Variants in MCMDC2 observed in about 807,000 individuals in gnomAD.
The protein encoded by MCMDC2 is minichromosome maintenance domain containing 2.
Under a neutral mutation model 75.8 loss-of-function variants are expected in MCMDC2, and 54 were observed. That is an observed-to-expected ratio of 0.71 (90% CI 0.57 to 0.89). The LOEUF (loss-of-function observed/expected upper bound fraction) is 0.89. Ranked by LOEUF, MCMDC2 falls within the 40% of genes least tolerant of loss-of-function variation. The probability of loss-of-function intolerance (pLI) is 0.00; values close to 1 mark genes in which losing one functional copy is unlikely to be tolerated. For missense variants in MCMDC2, 656 were observed against 780.4 expected, an observed-to-expected ratio of 0.84 and a Z score of 1.90; for synonymous variants, 249 against 274.6, an observed-to-expected ratio of 0.91 and a Z score of 0.92.
intron 13 of MCMDC2, among the ~76,000 whole-genome samples, chr8:66,904,108 G>A (rs1563386110): frequency 1.3e-5 from 2 of 152,166 alleles, no homozygotes; most frequent in South Asian, 2.1e-4. Flanking sequence ...GAGAGTTGGG[G>A]TCATATTAAT....
chr8:66,917,289 G>A (rs907236773), intron 14 of MCMDC2, among the ~76,000 whole-genome samples: 2 of 152,136 alleles, frequency 1.3e-5, no homozygotes, highest in Non-Finnish European at 2.9e-5. Context: ...AGGAAGGTGG[G>A]CACTGCTTGG....
In MCMDC2 at chr8:66,921,908, G is replaced by A. The variant is rs1369521426; in HGVS notation, c.*2739G>A. On this transcript the variant is annotated 3_prime_UTR_variant, in exon 15 of 15. Transcript: ENST00000422365. ...TATGTTCAAAACAGGTCTGACTAGT[G>A]ACTATGAGAATGGAGCTATTTAGAG... 1 of 152,278 alleles carries A rather than the reference G, an allele frequency of 6.6e-6. No individual in the cohort carries two copies. The highest frequency in any genetic ancestry group is 1.9e-4 in the East Asian group (1 of 5,204). The allele number at this position is 152,278 out of a possible 1,614,324, so 9.4% of individuals were successfully genotyped here. A position where few individuals can be genotyped will look rare whatever the true frequency, so the allele number is the denominator to read the frequency against.
At position 66,919,271 on chromosome 8, in the gene MCMDC2, A is replaced by G. The variant is rs1813432001; in HGVS notation, c.*102A>G. The stretch of plus-strand genomic sequence containing the variant: ...GTAATGCTTTGATAATACTCTGTAC[A>G]GGAATATATTACAATACTGTTTTTA... On this transcript the variant is annotated 3_prime_UTR_variant, in exon 15 of 15. Coordinates refer to ENST00000422365, the MANE Select transcript of MCMDC2 (RefSeq NM_173518.5). The G allele has an allele frequency of 1.2e-6, 1 of 862,778 alleles. No homozygotes were observed. The highest frequency in any genetic ancestry group is 1.7e-6 in the Non-Finnish European group (1 of 586,192). The allele number at this position is 862,778 out of a possible 1,614,324, so 53.4% of individuals were successfully genotyped here.
Position 66,896,760 on chromosome 8 carries a change from T to C in MCMDC2, c.1447-20T>C. 2 of 1,550,726 alleles carry C rather than the reference T, an allele frequency of 1.3e-6. No homozygotes were observed. The highest frequency in any genetic ancestry group is 1.3e-5 in the South Asian group (1 of 78,534). On this transcript the variant is annotated intron_variant, in intron 11 of 14. Transcript: ENST00000422365. ...ATTACAAAGTTTAATGTTTGCCTGT[T>C]ACCTTTTGGTTTGATGTAGGATTGC...
rs146062434 is a variant in MCMDC2 at position 66,885,027 on chromosome 8, T to C, written c.1073+1033T>C. Reference sequence around the variant, plus strand: ...CTCAAGCGATCCTCTCACCTCATTATCCAACTTTAAAATTTTGCAATCTGG... The same window carrying C: ...CTCAAGCGATCCTCTCACCTCATTACCCAACTTTAAAATTTTGCAATCTGG... On this transcript the variant is annotated intron_variant, in intron 9 of 14. Transcript: ENST00000422365. Among the ~76,000 whole-genome samples the C allele has an allele frequency of 5.3e-5, 8 of 152,258 alleles. No individual in the cohort carries two copies. The East Asian group carries it at 1.5e-3, about 29-fold the overall frequency.
At position 66,920,873 on chromosome 8, in the gene MCMDC2, A is replaced by C. The variant is rs955031585; in HGVS notation, c.*1704A>C. 1 of 152,082 alleles carries C rather than the reference A, an allele frequency of 6.6e-6. No homozygotes were observed. Among genetic ancestry groups the C allele is most frequent in the African/African-American group, 2.4e-5 (1 of 41,398 alleles). 9.4% of individuals were successfully genotyped at this position (152,082 alleles called of 1,614,324 possible). A position where few individuals can be genotyped will look rare whatever the true frequency, so the allele number is the denominator to read the frequency against. On this transcript the variant is annotated 3_prime_UTR_variant, in exon 15 of 15. Coordinates refer to ENST00000422365, the MANE Select transcript of MCMDC2 (RefSeq NM_173518.5). ...TTTTTTGTAGAGATGGAATTTTGCC[A>C]TGTTTCCCAGGCTGGTCTCAAGTCA... is the stretch of plus-strand genomic sequence containing the variant.
At chr8:66,880,704 C>G (rs1399897426) in intron 7 of MCMDC2, 145 bp from the exon 8 acceptor site, 1 of 761,364 alleles carries the variant, frequency 1.3e-6, no homozygotes, top group African/African-American at 1.8e-5. Flanking sequence ...TAGTGTCACT[C>G]TATATGGATA....
rs190579984 is a variant in MCMDC2 at position 66,909,220 on chromosome 8, C to T, written c.1879+3885C>T. ...GATTGTAAGTTTCCTGAGGCCTCCC[C>T]AGCCACGCTGAACTGTGAGTCAATT... On this transcript the variant is annotated intron_variant, in intron 14 of 14. Coordinates refer to ENST00000422365, the MANE Select transcript of MCMDC2 (RefSeq NM_173518.5). Among the ~76,000 whole-genome samples, 516 of 152,336 alleles carry T rather than the reference C, an allele frequency of 3.4e-3. 3 individuals are homozygous for T. Among genetic ancestry groups the T allele is most frequent in the Middle Eastern group, 0.014 (4 of 294 alleles).
intron 14 of MCMDC2, among the ~76,000 whole-genome samples, chr8:66,915,543 T>G (rs1813282384): frequency 6.8e-6 from 1 of 148,102 alleles, no homozygotes; most frequent in Admixed American, 6.8e-5. Context: ...TATATTTATA[T>G]ATATGTATAT....
chr8:66,913,103 A>C (rs1423914128), intron 14 of MCMDC2, among the ~76,000 whole-genome samples: 2 of 152,208 alleles, frequency 1.3e-5, no homozygotes, highest in African/African-American at 2.4e-5. Context: ...GCTGATGTTG[A>C]TCAATCAGCA....
Position 66,902,418 on chromosome 8 carries a change from G to T in MCMDC2, c.1769+1070G>T, listed in dbSNP as rs1378667878. 2.0e-5 allele frequency among the ~76,000 whole-genome samples: 3 copies of T among 150,840 alleles called. No individual in the cohort carries two copies. In the East Asian group the frequency reaches 5.9e-4, roughly 29 times the overall value. On this transcript the variant is annotated intron_variant, in intron 13 of 14. Coordinates refer to ENST00000422365, the MANE Select transcript of MCMDC2 (RefSeq NM_173518.5). ...TTTAAAAAAAAAAAAGCCTGGCCTAGTGGCTCATGCCTATAATCCCAGCAC... is the reference window on the plus strand; with the variant it reads ...TTTAAAAAAAAAAAAGCCTGGCCTATTGGCTCATGCCTATAATCCCAGCAC...
At chr8:66,883,585 G>A (rs1811694997) in intron 8 of MCMDC2, among the ~76,000 whole-genome samples, 172 bp from the exon 9 acceptor site, 1 of 151,884 alleles carries the variant, frequency 6.6e-6, no homozygotes, top group African/African-American at 2.4e-5. Flanking sequence ...ATTGAGGCCA[G>A]GGGTTCAAGA....
chr8:66,876,637 T>C (rs117726727), intron 4 of MCMDC2, among the ~76,000 whole-genome samples: 1 of 152,286 alleles, frequency 6.6e-6, no homozygotes, highest in East Asian at 1.9e-4. Context: ...GAATCCTGAT[T>C]CCTTTTAGTA....
intron 13 of MCMDC2, among the ~76,000 whole-genome samples, chr8:66,902,711 A>AAAAAAAAAAAAAAAAAATATAT (rs1467425752): frequency 1.5e-5 from 1 of 67,930 alleles, no homozygotes; most frequent in African/African-American, 7.3e-5. Flanking sequence ...AAAAAAAAAA[A>AAAAAAAAAAAAAAAAAATATAT]ATATATATAT....
rs1813421497 is a variant in MCMDC2, at chr8:66,918,988, ATCT to A, written c.1880-9_1880-7del. On this transcript the variant is annotated splice_polypyrimidine_tract_variant and intron_variant, in intron 14 of 14. Coordinates refer to ENST00000422365, the MANE Select transcript of MCMDC2 (RefSeq NM_173518.5). ...GAGTATTTGTCATTTACACTCTATTATCTTCTTCATTTAGGGGCCACTGTATTT... is the reference window on the plus strand; with the variant it reads ...GAGTATTTGTCATTTACACTCTATTATCTTCATTTAGGGGCCACTGTATTT... 1 of 1,489,498 alleles carries A rather than the reference ATCT, an allele frequency of 6.7e-7. No individual in the cohort carries two copies. The highest frequency in any genetic ancestry group is 1.4e-5 in the South Asian group (1 of 73,778). The allele number at this position is 1,489,498 out of a possible 1,614,324, so 92.3% of individuals were successfully genotyped here.
At chr8:66,884,186 A>G (rs922909696) in intron 9 of MCMDC2, 192 bp downstream of exon 9, 1 of 576,576 alleles carries the variant, frequency 1.7e-6, no homozygotes. Flanking sequence ...AATTACTCCA[A>G]TTTTCAACCT....
chr8:66,876,722 AT>A (rs1563366789), intron 4 of MCMDC2, among the ~76,000 whole-genome samples: 9 of 151,554 alleles, frequency 5.9e-5, no homozygotes, highest in Admixed American at 6.6e-5. Context: ...ACATTGTTTT[AT>A]TTTATTTATT....
At chr8:66,897,101 A>G (rs1309367933) in intron 12 of MCMDC2, 142 bp downstream of exon 12, 2 of 788,096 alleles carry the variant, frequency 2.5e-6, no homozygotes, top group Non-Finnish European at 3.8e-6. Context: ...TTTTAAGGAC[A>G]TTGCATAGAA....
At position 66,874,125 on chromosome 8, in the gene MCMDC2, T is replaced by C. The variant is rs1239030728; in HGVS notation, c.-16T>C. 1 of 1,568,782 alleles carries C rather than the reference T, an allele frequency of 6.4e-7. No individual in the cohort carries two copies. The highest frequency in any genetic ancestry group is 8.6e-7 in the Non-Finnish European group (1 of 1,158,094). On this transcript the variant is annotated 5_prime_UTR_variant, in exon 2 of 15. Coordinates refer to ENST00000422365, the MANE Select transcript of MCMDC2 (RefSeq NM_173518.5). ...CAATTGTGGTTTAATCAATTAGAAA[T>C]ATTAACCAGGAGAAAATGTCAAATC...
Sources: allele counts gnomAD v4.1 joint callset (sites outside exome capture counted in the v4.1 genomes callset), GRCh38; gene constraint gnomAD v4.1.1; transcripts MANE v1.5; gene names NCBI Gene and HGNC (gene_info 2026-07-23, HGNC 2026-07-21).